Variants in ESRP2 observed in about 807,000 individuals in gnomAD.
ESRP2 encodes RNA binding motif protein 35A.
Under a neutral mutation model 78.6 loss-of-function variants are expected in ESRP2, and 48 were observed. The ratio of observed to expected loss-of-function variants is 0.61; its 90% CI spans 0.48 to 0.78. The LOEUF (loss-of-function observed/expected upper bound fraction) is 0.78. Among genes scored for constraint, ESRP2 ranks in the 30% least tolerant of loss-of-function variants. The pLI, the probability that ESRP2 is intolerant of heterozygous loss-of-function variation, is 0.00. For synonymous variants in ESRP2, 383 were observed against 406.7 expected (o/e 0.94, Z 0.70); for missense variants, 863 against 965.9 (o/e 0.89, Z 1.41).
rs1180998329 is a variant in ESRP2, at chr16:68,232,305, C to G, written c.955-17G>C. ...TTTATACACCTGTGGGTACAGAGAG[C>G]AGCAGCCCATGGGTCTCAGGCCTGA... On this transcript the variant is annotated splice_polypyrimidine_tract_variant and intron_variant, in intron 8 of 14. Coordinates refer to ENST00000473183, the MANE Select transcript of ESRP2 (RefSeq NM_024939.3). The surrounding 1 kb of genome is among the most constrained non-coding windows in gnomAD (Gnocchi z 5.2). The G allele has an allele frequency of 6.2e-7, 1 of 1,614,184 alleles. No homozygotes were observed. The highest frequency in any genetic ancestry group is 2.2e-5 in the East Asian group (1 of 44,880).
In ESRP2 at chr16:68,231,193, G is replaced by T; in HGVS notation, c.1696C>A (p.Pro566Thr). 1 of 1,613,260 alleles carries T rather than the reference G, an allele frequency of 6.2e-7. No individual in the cohort carries two copies. Among genetic ancestry groups the T allele is most frequent in the Non-Finnish European group, 8.5e-7 (1 of 1,179,972 alleles). Residue 566 changes from proline to threonine, a missense_variant, in exon 12 of 15, where the codon CCC (proline) becomes ACC (threonine). Physicochemically the swap from Pro to Thr is conservative, Grantham distance 38 (BLOSUM62 -1). Coordinates refer to ENST00000473183, the MANE Select transcript of ESRP2 (RefSeq NM_024939.3). The surrounding 1 kb of genome is among the most constrained non-coding windows in gnomAD (Gnocchi z 6.0). ...TLGRSGMSPP[P>T]CKLPCLSPPT... ...GGGCACTCACAGGGCAGCTTGCAGG[G>T]TGGAGGGGACATGCCACTGCGGCCC...
Position 68,235,584 on chromosome 16 carries a change from C to A in ESRP2, c.327+50G>T. On this transcript the variant is annotated intron_variant, in intron 2 of 14. Coordinates refer to ENST00000473183, the MANE Select transcript of ESRP2 (RefSeq NM_024939.3). The surrounding 1 kb of genome is among the most constrained non-coding windows in gnomAD (Gnocchi z 5.5). ...CTAGCCTCCGGCCGCCAATCCCGCC[C>A]AGAAATGTCCTCACGTCCAGGCCAT... 1 of 1,591,954 alleles carries A rather than the reference C, an allele frequency of 6.3e-7. No homozygotes were observed. The highest frequency in any genetic ancestry group is 1.1e-5 in the South Asian group (1 of 90,084).
In ESRP2 at chr16:68,236,085, C is replaced by T. The variant is rs1428229467; in HGVS notation, c.-40G>A. ...GGGGCTCTCGGCCAGACACGCGGAC[C>T]GACGAGGCGCACGCACGCACCGACC... On this transcript the variant is annotated 5_prime_UTR_variant, in exon 1 of 15. Coordinates refer to ENST00000473183, the MANE Select transcript of ESRP2 (RefSeq NM_024939.3). This position sits in a 1 kb window ranked among gnomAD's most constrained non-coding sequence, Gnocchi z 5.2. The T allele has an allele frequency of 1.9e-5, 26 of 1,389,470 alleles. No homozygotes were observed. The highest frequency in any genetic ancestry group is 2.0e-5 in the Non-Finnish European group (22 of 1,083,120). 86.1% of individuals were successfully genotyped at this position (1,389,470 alleles called of 1,614,324 possible).
chr16:68,230,175 A>G lies in ESRP2; in HGVS notation c.*51T>C, dbSNP rs780248622. ...GGTGCTGGTCTTCTGGACTCAGGAG[A>G]GACATGTTCGCCGAGGATATCAGCT... On this transcript the variant is annotated 3_prime_UTR_variant, in exon 15 of 15. Coordinates refer to ENST00000473183, the MANE Select transcript of ESRP2 (RefSeq NM_024939.3). The G allele has an allele frequency of 6.5e-7, 1 of 1,547,372 alleles. No individual in the cohort carries two copies. The highest frequency in any genetic ancestry group is 1.1e-5 in the South Asian group (1 of 89,682).
At position 68,236,024 on chromosome 16, in the gene ESRP2, G is replaced by T. The variant is rs776235829; in HGVS notation, c.22C>A (p.Pro8Thr). 2.3e-5 allele frequency: 33 copies of T among 1,433,470 alleles called. No homozygotes were observed. In the South Asian group the frequency reaches 3.7e-4, roughly 16 times the overall value. The allele number at this position is 1,433,470 out of a possible 1,614,324, so 88.8% of individuals were successfully genotyped here. MTPPPPP[P>T]PPPGPDPAAD... Reference sequence around the variant, plus strand: ...GCGGGGTCAGGGCCCGGGGGAGGGGGCGGCGGCGGCGGCGGAGTCATGGCC... The same window carrying T: ...GCGGGGTCAGGGCCCGGGGGAGGGGTCGGCGGCGGCGGCGGAGTCATGGCC... The change falls in exon 1 of 15, where the codon CCC becomes ACC. Residue 8 changes from proline (P) to threonine (T), a missense_variant. Coordinates refer to ENST00000473183, the MANE Select transcript of ESRP2 (RefSeq NM_024939.3). The surrounding 1 kb of genome is among the most constrained non-coding windows in gnomAD (Gnocchi z 5.2).
In ESRP2 at chr16:68,231,713, A is replaced by G. The variant is rs754639249; in HGVS notation, c.1300-19T>C. 6.9e-6 allele frequency: 11 copies of G among 1,596,168 alleles called. No homozygotes were observed. The South Asian group carries it at 1.1e-4, about 16-fold the overall frequency. On this transcript the variant is annotated intron_variant, in intron 10 of 14. Coordinates refer to ENST00000473183, the MANE Select transcript of ESRP2 (RefSeq NM_024939.3). This position sits in a 1 kb window ranked among gnomAD's most constrained non-coding sequence, Gnocchi z 6.0. ...TCAAGACCTAGTAAGGAAGGCAGCA[A>G]CAGGCTGGTCATGCCAAGTAGGGCA...
chr16:68,232,371 C>A lies in ESRP2; in HGVS notation c.954G>T (p.Glu318Asp). The change falls in exon 8 of 15, where the codon GAG becomes GAT. Residue 318 changes from glutamate to aspartate, a missense_variant and splice_region_variant. Physicochemically the swap from Glu to Asp is conservative, Grantham distance 45. Transcript: ENST00000473183. This position sits in a 1 kb window ranked among gnomAD's most constrained non-coding sequence, Gnocchi z 5.2. ...HKHHMGVRYI[E>D]VYKATGEEFV... ...CTCCGCTCCCAGCCCAAAGCCCCAC[C>A]TCAATATAGCGGACGCCCATGTGGT... 6.2e-7 allele frequency: 1 copy of A among 1,613,992 alleles called. No homozygotes were observed. Among genetic ancestry groups the A allele is most frequent in the Non-Finnish European group, 8.5e-7 (1 of 1,179,924 alleles).
chr16:68,230,607 G>T (rs139841296), intron 13 of ESRP2, 53 bp from the exon 14 acceptor site: 1 of 1,515,882 alleles, frequency 6.6e-7, no homozygotes, highest in Admixed American at 2.1e-5. Context: ...GGCCTAGACC[G>T]AGACCTGTTT....
Position 68,232,467 on chromosome 16 carries a change from G to T in ESRP2, c.858C>A (p.Arg286=). ...AGCGGATGAGGGCCTCGCCATTTCT[G>T]CGGCCCTGGGCGTTGAGGCAGAGTG... is the stretch of plus-strand genomic sequence containing the variant. The part of the protein sequence containing the change: ...GVALCLNAQG[R]RNGEALIRFV... Residue 286 remains arginine, a synonymous_variant, in exon 8 of 15, where the codon CGC becomes CGA. Transcript: ENST00000473183. The surrounding 1 kb of genome is among the most constrained non-coding windows in gnomAD (Gnocchi z 5.2). The T allele has an allele frequency of 6.8e-6, 11 of 1,614,168 alleles. No individual in the cohort carries two copies. The highest frequency in any genetic ancestry group is 9.3e-6 in the Non-Finnish European group (11 of 1,180,032).
chr16:68,230,348 C>T, intron 14 of ESRP2, 33 bp from the exon 15 acceptor site: 1 of 1,614,184 alleles, frequency 6.2e-7, no homozygotes, highest in Non-Finnish European at 8.5e-7. Flanking sequence ...GGGCAGAGAG[C>T]TCAGCCAGAC....
Position 68,231,965 on chromosome 16 carries a change from T to C in ESRP2, c.1136A>G (p.Glu379Gly). ...GPECPVTGGT[E>G]GLLFVRHPDG... ...AGGATGGCGCACAAAGAGCAGCCCC[T>C]CGGTACCCCCAGTCACTGGGCACTC... Residue 379 changes from glutamate (E) to glycine (G), a missense_variant, in exon 10 of 15, where the codon GAG (glutamate) becomes GGG (glycine). Coordinates refer to ENST00000473183, the MANE Select transcript of ESRP2 (RefSeq NM_024939.3). This position sits in a 1 kb window ranked among gnomAD's most constrained non-coding sequence, Gnocchi z 6.0. 6.2e-7 allele frequency: 1 copy of C among 1,613,892 alleles called. No individual in the cohort carries two copies. Among genetic ancestry groups the C allele is most frequent in the African/African-American group, 1.3e-5 (1 of 74,936 alleles).
chr16:68,235,559 C>G lies in ESRP2; in HGVS notation c.327+75G>C. 1 of 1,571,364 alleles carries G rather than the reference C, an allele frequency of 6.4e-7. No homozygotes were observed. The highest frequency in any genetic ancestry group is 8.6e-7 in the Non-Finnish European group (1 of 1,168,688). On this transcript the variant is annotated intron_variant, in intron 2 of 14. Transcript: ENST00000473183. This position sits in a 1 kb window ranked among gnomAD's most constrained non-coding sequence, Gnocchi z 5.5. The stretch of plus-strand genomic sequence containing the variant: ...ACCGGTTGGTTGCGGCACGCCAGGC[C>G]TAGCCTCCGGCCGCCAATCCCGCCC...
At position 68,231,282 on chromosome 16, in the gene ESRP2, C is replaced by T. The variant is rs146824182; in HGVS notation, c.1607G>A (p.Arg536His). The change falls in exon 12 of 15, where the codon CGC (arginine) becomes CAC (histidine). Residue 536 changes from arginine (R) to histidine (H), a missense_variant. Coordinates refer to ENST00000473183, the MANE Select transcript of ESRP2 (RefSeq NM_024939.3). This position sits in a 1 kb window ranked among gnomAD's most constrained non-coding sequence, Gnocchi z 6.0. The stretch of plus-strand genomic sequence containing the variant: ...GGAACAGGGGACCACCTCCACGTAG[C>T]GCTCCTTCATCACCTTCTTATGGCA... ...QRCHKKVMKERYVEVVPCSTE... is the reference protein window; with the variant it reads ...QRCHKKVMKEHYVEVVPCSTE... 5.6e-6 allele frequency: 9 copies of T among 1,614,010 alleles called. No individual in the cohort carries two copies. The African/African-American group carries it at 9.3e-5, about 17-fold the overall frequency.
Position 68,230,069 on chromosome 16 carries a change from T to C in ESRP2, c.*157A>G, listed in dbSNP as rs1598647801. 3.0e-6 allele frequency: 2 copies of C among 665,450 alleles called. No individual in the cohort carries two copies. The highest frequency in any genetic ancestry group is 5.4e-5 in the East Asian group (2 of 36,848). The allele number at this position is 665,450 out of a possible 1,614,324, so 41.2% of individuals were successfully genotyped here. On this transcript the variant is annotated 3_prime_UTR_variant, in exon 15 of 15. Transcript: ENST00000473183. The stretch of plus-strand genomic sequence containing the variant: ...CTTTGGGGGAAACAGGCAGAATAAG[T>C]GGAGGATGGAGCTGGGGCTTGGGCT...
At position 68,235,460 on chromosome 16, in the gene ESRP2, C is replaced by T; in HGVS notation, c.327+174G>A. ...AAGGAGCCCAGGGGAATGGCTGGCA[C>T]GCGCGGATGAAAGGGGCACGCACAC... is the stretch of plus-strand genomic sequence containing the variant. On this transcript the variant is annotated intron_variant, in intron 2 of 14. Transcript: ENST00000473183. The surrounding 1 kb of genome is among the most constrained non-coding windows in gnomAD (Gnocchi z 5.5). 2 of 985,416 alleles carry T rather than the reference C, an allele frequency of 2.0e-6. No homozygotes were observed. Among genetic ancestry groups the T allele is most frequent in the Non-Finnish European group, 2.4e-6 (2 of 829,938 alleles). 61.0% of individuals were successfully genotyped at this position (985,416 alleles called of 1,614,324 possible). A position where few individuals can be genotyped will look rare whatever the true frequency, so the allele number is the denominator to read the frequency against.
At chr16:68,233,507 G>C in intron 4 of ESRP2, 82 bp from the exon 5 acceptor site, 1 of 1,052,142 alleles carries the variant, frequency 9.5e-7, no homozygotes. Context: ...CCCCTCCATA[G>C]ACACATGCTG....
rs571597168 is a variant in ESRP2 at position 68,235,896 on chromosome 16, G to C, written c.150C>G (p.Thr50=). The part of the protein sequence containing the change: ...ALGRDLGSDE[T]DLILLVWQVV... ...CTTGCCAAACTAGGAGGATTAAGTC[G>C]GTCTCGTCCGAGCCCAGGTCCCGTC... Residue 50 remains threonine, a synonymous_variant, in exon 1 of 15, where the codon ACC becomes ACG. Transcript: ENST00000473183. The surrounding 1 kb of genome is among the most constrained non-coding windows in gnomAD (Gnocchi z 5.5). 3.7e-5 allele frequency: 59 copies of C among 1,611,092 alleles called. No individual in the cohort carries two copies. The highest frequency in any genetic ancestry group is 4.9e-5 in the Non-Finnish European group (58 of 1,179,360).
chr16:68,235,983 C>G lies in ESRP2; in HGVS notation c.63G>C (p.Ala21=). The change falls in exon 1 of 15, where the codon GCG becomes GCC. Residue 21 remains alanine (A), a synonymous_variant. Coordinates refer to ENST00000473183, the MANE Select transcript of ESRP2 (RefSeq NM_024939.3). The surrounding 1 kb of genome is among the most constrained non-coding windows in gnomAD (Gnocchi z 5.5). The part of the protein sequence containing the change: ...PGPDPAADPA[A]DPCPWPGSLV... ...GTGATCCGGGCCAGGGGCAGGGGTC[C>G]GCGGCGGGGTCGGCCGCGGGGTCAG... The G allele has an allele frequency of 6.3e-7, 1 of 1,589,936 alleles. No homozygotes were observed. The highest frequency in any genetic ancestry group is 8.5e-7 in the Non-Finnish European group (1 of 1,170,618).
chr16:68,231,247 TCTC>T lies in ESRP2; in HGVS notation c.1639_1641del (p.Glu547del), dbSNP rs780935292. ...GTGCCCCCCATCAGCACTCGGCTCA[TCTC>T]CTCTGTGGAACAGGGGACCACCTCC... is the stretch of plus-strand genomic sequence containing the variant. On this transcript the variant is annotated inframe_deletion, in exon 12 of 15. Transcript: ENST00000473183. The surrounding 1 kb of genome is among the most constrained non-coding windows in gnomAD (Gnocchi z 6.0). 2.4e-5 allele frequency: 39 copies of T among 1,613,882 alleles called. No individual in the cohort carries two copies. Among genetic ancestry groups the T allele is most frequent in the African/African-American group, 4.0e-5 (3 of 74,876 alleles).
Sources: gnomAD v4.1 joint callset for allele counts on GRCh38, gnomAD v4.1.1 for gene constraint, Gnocchi (gnomAD v3.1) non-coding constraint, MANE v1.5 for transcripts, NCBI Gene and HGNC (gene_info 2026-07-23, HGNC 2026-07-21) for gene names.